Variants in PAH observed in about 807,000 individuals in gnomAD.
PAH encodes the protein phenylalanine hydroxylase, also known as phenylalanine-4-hydroxylase.
PAH carries 64 observed loss-of-function variants against 62.0 expected under a neutral mutation model. That is an observed-to-expected ratio of 1.03 (90% CI 0.84 to 1.27). The LOEUF (loss-of-function observed/expected upper bound fraction) is 1.27, where lower values mean the gene tolerates loss of function less well. PAH is among the 50% of genes most tolerant of loss of function. PAH has a pLI of 0.00. For missense variants in PAH, 579 were observed against 542.8 expected (o/e 1.07, Z -0.66); for synonymous variants, 195 against 196.2 (o/e 0.99, Z 0.05).
chr12:102,944,397 G>A (rs1879411974), intron 1 of PAH, among the ~76,000 whole-genome samples: 1 of 151,858 alleles, frequency 6.6e-6, no homozygotes, highest in Non-Finnish European at 1.5e-5. Context: ...CAACTCTTAG[G>A]TCTGCTCTTT....
At chr12:102,886,852 A>AT (rs1261942798) in intron 3 of PAH, among the ~76,000 whole-genome samples, 1 of 152,154 alleles carries the variant, frequency 6.6e-6, no homozygotes, top group African/African-American at 2.4e-5. Context: ...GCATCCTATC[A>AT]TGTGGCTGAC....
intron 5 of PAH, among the ~76,000 whole-genome samples, chr12:102,863,887 A>G (rs781451439): frequency 2.0e-5 from 3 of 152,016 alleles, no homozygotes; most frequent in Non-Finnish European, 4.4e-5. Flanking sequence ...TAAAAGCCCA[A>G]CTTCCACTCC....
chr12:102,902,362 A>G (rs2136712294), intron 2 of PAH, among the ~76,000 whole-genome samples: 1 of 152,322 alleles, frequency 6.6e-6, no homozygotes, highest in Admixed American at 6.5e-5. Context: ...TGAGTGATAT[A>G]AGAAGCTATG....
rs373050892 is a variant in PAH at position 102,848,847 on chromosome 12, G to T, written c.913-1896C>A. ...TAGACACAATACCAGGGCACCGAAAGGCTGAGGGTTAAAGGGACACCAGGA... is the reference window on the plus strand; with the variant it reads ...TAGACACAATACCAGGGCACCGAAATGCTGAGGGTTAAAGGGACACCAGGA... On this transcript the variant is annotated intron_variant, in intron 8 of 12. Transcript: ENST00000553106. Among the ~76,000 whole-genome samples the T allele has an allele frequency of 2.0e-3, 290 of 144,104 alleles. 2 individuals carry two copies. The highest frequency in any genetic ancestry group is 7.5e-3 in the African/African-American group (282 of 37,396). The allele number at this position is 144,104 out of a possible 152,430, so 94.5% of individuals were successfully genotyped here.
At chr12:102,958,165 C>A in intron 1 of PAH, 1 of 1,140,664 alleles carries the variant, frequency 8.8e-7, no homozygotes, top group Non-Finnish European at 1.2e-6. Context: ...CACCCAAGTT[C>A]TCTCTGTGTC....
At chr12:102,952,502 A>G (rs1298040527), upstream of PAH, among the ~76,000 whole-genome samples, 1 of 152,196 alleles carries the variant, frequency 6.6e-6, no homozygotes, top group East Asian at 1.9e-4. Context: ...CAAATCCTAC[A>G]AAAGTTTAGA....
intron 2 of PAH, among the ~76,000 whole-genome samples, chr12:102,912,247 C>T (rs560954296): frequency 1.1e-4 from 17 of 152,198 alleles, no homozygotes; most frequent in African/African-American, 3.6e-4. Flanking sequence ...AATCATAAGA[C>T]ATTTACCAAT....
intron 5 of PAH, among the ~76,000 whole-genome samples, chr12:102,856,316 G>A (rs558476557): frequency 4.3e-4 from 66 of 152,198 alleles, no homozygotes; most frequent in Middle Eastern, 3.4e-3. Flanking sequence ...TTTAAAAGTC[G>A]TTAGTTTTAA....
intron 3 of PAH, among the ~76,000 whole-genome samples, chr12:102,886,694 C>T (rs1877056660): frequency 6.6e-6 from 1 of 152,126 alleles, no homozygotes; most frequent in African/African-American, 2.4e-5. Flanking sequence ...ACTGACCCCA[C>T]GCCTGGGCTC....
chr12:102,891,811 A>G (rs1263714763), intron 3 of PAH, among the ~76,000 whole-genome samples: 1 of 152,014 alleles, frequency 6.6e-6, no homozygotes, highest in Non-Finnish European at 1.5e-5. Context: ...TTTACTATAT[A>G]TTCCCTGGCT....
chr12:102,878,191 A>C (rs867050834), intron 3 of PAH, among the ~76,000 whole-genome samples: 8 of 152,354 alleles, frequency 5.3e-5, no homozygotes, highest in South Asian at 2.1e-4. Context: ...GTTCTACTGT[A>C]AATGAGCTCA....
At position 102,843,658 on chromosome 12, in the gene PAH, T is replaced by C. The variant is rs776178623; in HGVS notation, c.1187A>G (p.Lys396Arg). Residue 396 changes from lysine (K) to arginine (R), a missense_variant, in exon 11 of 13, where the codon AAG becomes AGG. Lys to Arg is a conservative substitution (Grantham distance 26, BLOSUM62 2). Coordinates refer to ENST00000553106, the MANE Select transcript of PAH (RefSeq NM_000277.3). ...YYVAESFNDA[K>R]EKVRNFAATI... ...GTCACCACCTCACCTTACTTTCTCC[T>C]TGGCATCATTAAAACTCTCTGCCAC... 6 of 1,613,652 alleles carry C rather than the reference T, an allele frequency of 3.7e-6. No homozygotes were observed. Among genetic ancestry groups the C allele is most frequent in the South Asian group, 1.1e-5 (1 of 91,054 alleles).
At chr12:102,860,567 T>C (rs1219406958) in intron 5 of PAH, among the ~76,000 whole-genome samples, 1 of 152,186 alleles carries the variant, frequency 6.6e-6, no homozygotes, top group African/African-American at 2.4e-5. Flanking sequence ...GGCATCACAC[T>C]ACCTGCCTTC....
At chr12:102,868,949 C>T (rs1876186294) in intron 4 of PAH, among the ~76,000 whole-genome samples, 1 of 152,138 alleles carries the variant, frequency 6.6e-6, no homozygotes, top group African/African-American at 2.4e-5. Flanking sequence ...TAGAAAGGTC[C>T]ATTTCTATAT....
upstream of PAH, among the ~76,000 whole-genome samples, chr12:102,953,102 A>T (rs1218325135): frequency 6.6e-6 from 1 of 152,196 alleles, no homozygotes; most frequent in Non-Finnish European, 1.5e-5. Flanking sequence ...TGTATTAATT[A>T]TAGCTCCTGG....
intron 11 of PAH, among the ~76,000 whole-genome samples, chr12:102,842,380 C>T (rs904048374): frequency 1.3e-5 from 2 of 152,092 alleles, no homozygotes; most frequent in Non-Finnish European, 2.9e-5. Flanking sequence ...TAGGCCACAC[C>T]AAGTGGATTT....
intron 1 of PAH, among the ~76,000 whole-genome samples, chr12:102,916,411 T>C (rs944408942): frequency 6.6e-6 from 1 of 152,172 alleles, no homozygotes; most frequent in Non-Finnish European, 1.5e-5. Context: ...ATTCTGCAAT[T>C]CTTCACCTCA....
At chr12:102,934,072 T>C (rs1879012034) in intron 1 of PAH, among the ~76,000 whole-genome samples, 1 of 152,020 alleles carries the variant, frequency 6.6e-6, no homozygotes, top group African/African-American at 2.4e-5. Context: ...TTCATAGTTT[T>C]AGGTCTTAAA....
chr12:102,918,466 T>A (rs1878468604), upstream of PAH, among the ~76,000 whole-genome samples: 1 of 151,280 alleles, frequency 6.6e-6, no homozygotes, highest in African/African-American at 2.4e-5. Context: ...AACAAATAAA[T>A]AAATAAATAA....
Sources: allele counts gnomAD v4.1 joint callset (sites outside exome capture counted in the v4.1 genomes callset), GRCh38; gene constraint gnomAD v4.1.1; transcripts MANE v1.5; gene names NCBI Gene and HGNC (gene_info 2026-07-23, HGNC 2026-07-21).